NDRG3: variants seen among roughly 807,000 people sequenced by gnomAD.
NDRG3 encodes the protein NDRG family member 3.
NDRG3 carries 23 observed loss-of-function variants against 57.2 expected under a neutral mutation model. The ratio of observed to expected loss-of-function variants is 0.40; its 90% CI spans 0.29 to 0.57. The LOEUF is 0.57. Among genes scored for constraint, NDRG3 ranks in the 20% least tolerant of loss-of-function variants. NDRG3 has a pLI of 0.42. For synonymous variants in NDRG3, 132 were observed against 162.6 expected (o/e 0.81, Z 1.43); for missense variants, 384 against 457.3 (o/e 0.84, Z 1.46).
chr20:36,733,365 T>C (rs1056398728), intron 1 of NDRG3, among the ~76,000 whole-genome samples: 1 of 151,798 alleles, frequency 6.6e-6, no homozygotes, highest in African/African-American at 2.4e-5. Context: ...GGCCGCTAGC[T>C]AGTATTCTAG....
rs946963152 is a variant in NDRG3 at position 36,723,999 on chromosome 20, G to A, written c.-48-2216C>T. ...TAGGATCACAGGCGTGAGCCACTGC[G>A]CCCGGCCTAGTGTACTATATTAATC... On this transcript the variant is annotated intron_variant, in intron 1 of 15. Coordinates refer to ENST00000349004, the MANE Select transcript of NDRG3 (RefSeq NM_032013.4). Among the ~76,000 whole-genome samples, 18 of 152,200 alleles carry A rather than the reference G, an allele frequency of 1.2e-4. No individual in the cohort carries two copies. The South Asian group carries it at 2.5e-3, about 21-fold the overall frequency.
chr20:36,731,015 T>C (rs562580122), intron 1 of NDRG3, among the ~76,000 whole-genome samples: 38 of 150,730 alleles, frequency 2.5e-4, no homozygotes, highest in African/African-American at 1.5e-4. Flanking sequence ...AAGTTTTCAG[T>C]TGGGGAGATA....
chr20:36,728,946 T>C (rs557320630), intron 1 of NDRG3, among the ~76,000 whole-genome samples: 42 of 152,188 alleles, frequency 2.8e-4, no homozygotes, highest in Admixed American at 6.5e-5. Context: ...GGTCTCGAAC[T>C]CCTGACCTCA....
intron 3 of NDRG3, among the ~76,000 whole-genome samples, chr20:36,695,231 T>C (rs1451889554): frequency 1.3e-5 from 2 of 152,186 alleles, no homozygotes; most frequent in African/African-American, 4.8e-5. Context: ...AAGCTGAGGA[T>C]GTATGTCGCC....
chr20:36,669,357 G>A (rs967878847), intron 9 of NDRG3, among the ~76,000 whole-genome samples: 2 of 145,724 alleles, frequency 1.4e-5, no homozygotes, highest in African/African-American at 5.1e-5. Flanking sequence ...AACCTTCCAA[G>A]TAGCTGGTAC....
At chr20:36,732,342 A>T (rs1288233178) in intron 1 of NDRG3, among the ~76,000 whole-genome samples, 1 of 152,228 alleles carries the variant, frequency 6.6e-6, no homozygotes, top group African/African-American at 2.4e-5. Context: ...AGGGCTCTGC[A>T]GAACACCGTT....
chr20:36,676,793 T>C (rs1980759245), intron 8 of NDRG3, among the ~76,000 whole-genome samples: 1 of 152,216 alleles, frequency 6.6e-6, no homozygotes, highest in African/African-American at 2.4e-5. Context: ...ATAGGTGAGT[T>C]GAATGCAAGT....
At chr20:36,666,418 G>C (rs777867480) in intron 9 of NDRG3, 26 bp from the exon 10 acceptor site, 1 of 1,517,772 alleles carries the variant, frequency 6.6e-7, no homozygotes, top group Admixed American at 1.7e-5. Flanking sequence ...GAAGACATGG[G>C]TAAGCTTCTG....
chr20:36,691,858 T>C (rs1028287795), intron 3 of NDRG3, among the ~76,000 whole-genome samples: 2 of 152,232 alleles, frequency 1.3e-5, no homozygotes, highest in Non-Finnish European at 2.9e-5. Context: ...TAAACATCTA[T>C]TTATTGAATG....
At chr20:36,676,135 G>A (rs1211564891) in intron 8 of NDRG3, among the ~76,000 whole-genome samples, 1 of 152,154 alleles carries the variant, frequency 6.6e-6, no homozygotes, top group East Asian at 2.0e-4. Context: ...AGCTACTTGG[G>A]AGGCTGAGGT....
intron 9 of NDRG3, among the ~76,000 whole-genome samples, chr20:36,666,991 G>C (rs1330346567): frequency 1.5e-4 from 23 of 152,038 alleles, no homozygotes; most frequent in Non-Finnish European, 2.9e-5. Flanking sequence ...GCACCACCAT[G>C]CTCAGCTAAT....
At chr20:36,717,265 TG>T (rs1984330077) in intron 2 of NDRG3, among the ~76,000 whole-genome samples, 1 of 152,216 alleles carries the variant, frequency 6.6e-6, no homozygotes, top group South Asian at 2.1e-4. Flanking sequence ...ACATAAGCCT[TG>T]CTCAAAGCTA....
intron 1 of NDRG3, among the ~76,000 whole-genome samples, chr20:36,743,480 G>A (rs1986017291): frequency 6.7e-6 from 1 of 149,412 alleles, no homozygotes; most frequent in Admixed American, 6.7e-5. Context: ...GGCAACAAGA[G>A]CGAAACTCCG....
intron 2 of NDRG3, among the ~76,000 whole-genome samples, chr20:36,718,986 T>TG (rs1471659903): frequency 6.6e-6 from 1 of 152,134 alleles, no homozygotes; most frequent in Admixed American, 6.6e-5. Context: ...GGTGTGTGCC[T>TG]GGCTCAGATT....
chr20:36,731,871 A>G (rs1985305255), intron 1 of NDRG3, among the ~76,000 whole-genome samples: 1 of 152,090 alleles, frequency 6.6e-6, no homozygotes, highest in African/African-American at 2.4e-5. Context: ...TCAAATCCAT[A>G]ATCCCAGCAC....
intron 13 of NDRG3, among the ~76,000 whole-genome samples, chr20:36,659,635 C>G (rs1600852298): frequency 6.6e-6 from 1 of 152,034 alleles, no homozygotes; most frequent in Admixed American, 6.5e-5. Flanking sequence ...GAGTCTTGCT[C>G]TGTCGCCCAG....
chr20:36,681,886 C>T (rs924407455), intron 7 of NDRG3, among the ~76,000 whole-genome samples: 4 of 151,790 alleles, frequency 2.6e-5, no homozygotes, highest in Admixed American at 6.6e-5. Flanking sequence ...TTAGTGGAGA[C>T]GGGGTTTCAC....
chr20:36,704,201 T>G (rs1983413151), intron 3 of NDRG3, among the ~76,000 whole-genome samples: 1 of 152,126 alleles, frequency 6.6e-6, no homozygotes, highest in Non-Finnish European at 1.5e-5. Context: ...CTCAGCCTCC[T>G]GAGTAGCTCG....
At chr20:36,723,987 G>A (rs988194108) in intron 1 of NDRG3, among the ~76,000 whole-genome samples, 23 of 152,132 alleles carry the variant, frequency 1.5e-4, no homozygotes, top group African/African-American at 5.3e-4. Context: ...GATCACAGGC[G>A]TGAGCCACTG....
Sources: allele counts gnomAD v4.1 joint callset (sites outside exome capture counted in the v4.1 genomes callset), GRCh38; gene constraint gnomAD v4.1.1; transcripts MANE v1.5; gene names NCBI Gene and HGNC (gene_info 2026-07-23, HGNC 2026-07-21).